The following DIS3 variants were observed in gnomAD, a reference collection of about 807,000 sequenced individuals.
The protein encoded by DIS3 is DIS3 exosome endoribonuclease and 3'-5' exoribonuclease.
A neutral mutation model predicts 113.0 loss-of-function variants in DIS3; 103 were observed. That is an observed-to-expected ratio of 0.91 (90% CI 0.78 to 1.07). The LOEUF is 1.07. Among genes scored for constraint, DIS3 ranks in the 50% least tolerant of loss-of-function variants. The pLI, the probability that DIS3 is intolerant of heterozygous loss-of-function variation, is 0.00. For synonymous variants in DIS3, 402 were observed against 394.3 expected (o/e 1.02, Z -0.23); for missense variants, 1,121 against 1,167.1 (o/e 0.96, Z 0.58).
In DIS3 at chr13:72,761,711, T is replaced by A. The variant is rs1401512604; in HGVS notation, c.2446A>T (p.Asn816Tyr). Residue 816 changes from asparagine to tyrosine, a missense_variant, in exon 18 of 21, where the codon AAT becomes TAT. Asn to Tyr is a moderately radical substitution (Grantham distance 143). This residue lies in a region of DIS3 where 861 missense variants were observed against 915.5 expected (regional missense o/e 0.94). Coordinates refer to ENST00000377767, the MANE Select transcript of DIS3 (RefSeq NM_014953.5). The part of the protein sequence containing the change: ...DKHKLADICK[N>Y]LNFRHKMAQY... ...GCCATTTTGTGCCGGAAATTTAGAT[T>A]TTTACATATATCTGCAAGCTTGTGT... is the stretch of plus-strand genomic sequence containing the variant. 1 of 1,613,654 alleles carries A rather than the reference T, an allele frequency of 6.2e-7. No individual in the cohort carries two copies.
rs2033331871 is a variant in DIS3, at chr13:72,753,332, TAG to T, written c.*6461_*6462del. The stretch of plus-strand genomic sequence containing the variant: ...TAAAGGCAGCATGCCTCAAGCCATT[TAG>T]AGACAAGCCTGGAAAATGCGTTGGA... On this transcript the variant is annotated 3_prime_UTR_variant, in exon 21 of 21. Coordinates refer to ENST00000377767, the MANE Select transcript of DIS3 (RefSeq NM_014953.5). 1 of 168,584 alleles carries T rather than the reference TAG, an allele frequency of 5.9e-6. No individual in the cohort carries two copies. The highest frequency in any genetic ancestry group is 6.0e-5 in the Admixed American group (1 of 16,736). 10.4% of individuals were successfully genotyped at this position (168,584 alleles called of 1,614,324 possible). A position where few individuals can be genotyped will look rare whatever the true frequency, so the allele number is the denominator to read the frequency against.
chr13:72,765,140 T>G (rs1388034878), intron 15 of DIS3, among the ~76,000 whole-genome samples: 3 of 152,132 alleles, frequency 2.0e-5, no homozygotes, highest in Admixed American at 6.5e-5. Context: ...ACAAAAAAAT[T>G]CTTGTTTCCT....
At chr13:72,776,512 A>G (rs2034022094) in intron 4 of DIS3, among the ~76,000 whole-genome samples, 1 of 152,206 alleles carries the variant, frequency 6.6e-6, no homozygotes, top group Non-Finnish European at 1.5e-5. Flanking sequence ...TAAAGGTAAG[A>G]AGGGATGACA....
chr13:72,772,094 G>A, intron 10 of DIS3, 65 bp downstream of exon 10: 1 of 1,405,924 alleles, frequency 7.1e-7, no homozygotes, highest in Non-Finnish European at 9.8e-7. Flanking sequence ...TTCTATTCTA[G>A]TTCAAAAGAA....
In DIS3 at chr13:72,780,908, G is replaced by A; in HGVS notation, c.324C>T (p.Arg108=). The A allele has an allele frequency of 6.2e-7, 1 of 1,613,262 alleles. No individual in the cohort carries two copies. Among genetic ancestry groups the A allele is most frequent in the African/African-American group, 1.3e-5 (1 of 74,826 alleles). ...CTTGGTTATTAGTCACATCTCGGAT[G>A]CGTTTATATACGGGGGCACTGCGAT... ...VRNRSAPVYK[R]IRDVTNNQEK... The change falls in exon 2 of 21, where the codon CGC becomes CGT. Residue 108 remains arginine, a synonymous_variant. Transcript: ENST00000377767.
In DIS3 at chr13:72,780,838, C is replaced by T. The variant is rs1376031037; in HGVS notation, c.386+8G>A. 2.5e-6 allele frequency: 4 copies of T among 1,582,954 alleles called. No individual in the cohort carries two copies. Among genetic ancestry groups the T allele is most frequent in the Non-Finnish European group, 3.4e-6 (4 of 1,166,870 alleles). ...GTTTTCTGATATTTAACGTAATATT[C>T]CTCCTACCTATGGTGCTCATTAGTG... On this transcript the variant is annotated splice_region_variant and intron_variant, in intron 2 of 20. Coordinates refer to ENST00000377767, the MANE Select transcript of DIS3 (RefSeq NM_014953.5).
At chr13:72,761,012 G>A (rs1394141533) in intron 19 of DIS3, among the ~76,000 whole-genome samples, 4 of 151,970 alleles carry the variant, frequency 2.6e-5, no homozygotes, top group Non-Finnish European at 5.9e-5. Context: ...AGGAGAATAG[G>A]GAGTATGTGT....
chr13:72,774,715 CA>C (rs1342048536), intron 6 of DIS3, among the ~76,000 whole-genome samples: 13 of 152,014 alleles, frequency 8.6e-5, no homozygotes, highest in African/African-American at 3.1e-4. Context: ...AGAAATAGGC[CA>C]TATCAAGTAG....
At chr13:72,764,037 G>A (rs4885043) in intron 15 of DIS3, among the ~76,000 whole-genome samples, 118,658 of 151,976 alleles carry the variant, frequency 0.78, 46,627 homozygotes, top group South Asian at 0.85. Flanking sequence ...CTGTAGTCCC[G>A]GCTACTTGAG....
chr13:72,766,125 A>C (rs1319282629), intron 14 of DIS3, 67 bp from the exon 15 acceptor site: 1 of 1,362,882 alleles, frequency 7.3e-7, no homozygotes, highest in Admixed American at 2.2e-5. Flanking sequence ...TATAGAAATT[A>C]TTCTTTTAAA....
intron 1 of DIS3, chr13:72,781,207 C>T (rs2034199422): frequency 6.6e-7 from 1 of 1,507,826 alleles, no homozygotes; most frequent in Non-Finnish European, 9.0e-7. Flanking sequence ...CTTAAACAGA[C>T]CAATCACAAG....
Position 72,777,453 on chromosome 13 carries a change from G to C in DIS3, c.621C>G (p.Leu207=). The change falls in exon 4 of 21, where the codon CTC becomes CTG. Residue 207 remains leucine, a synonymous_variant. Coordinates refer to ENST00000377767, the MANE Select transcript of DIS3 (RefSeq NM_014953.5). ...YVKSLTANPE[L]IDRLACLSEE... ...CAGACAAACAAGCAAGACGATCTAT[G>C]AGTTCGGGGTTAGCAGTTAGGCTCT... is the stretch of plus-strand genomic sequence containing the variant. 1.2e-6 allele frequency: 2 copies of C among 1,614,098 alleles called. No individual in the cohort carries two copies. Among genetic ancestry groups the C allele is most frequent in the Non-Finnish European group, 1.7e-6 (2 of 1,179,992 alleles).
At chr13:72,767,418 A>G (rs1240502788) in intron 14 of DIS3, among the ~76,000 whole-genome samples, 1 of 152,184 alleles carries the variant, frequency 6.6e-6, no homozygotes, top group Admixed American at 6.5e-5. Context: ...AAAAAATTCA[A>G]TTATCTTCTT....
chr13:72,781,217 G>C lies in DIS3; in HGVS notation c.229-214C>G, dbSNP rs543425398. 4.7e-5 allele frequency: 71 copies of C among 1,521,174 alleles called. No individual in the cohort carries two copies. The African/African-American group carries it at 8.1e-4, about 17-fold the overall frequency. 94.2% of individuals were successfully genotyped at this position (1,521,174 alleles called of 1,614,324 possible). ...GCACACTTAAACAGACCAATCACAA[G>C]ACTTCGTAGAATTAAGGGTATTAAT... On this transcript the variant is annotated intron_variant, in intron 1 of 20. Coordinates refer to ENST00000377767, the MANE Select transcript of DIS3 (RefSeq NM_014953.5).
chr13:72,771,628 T>C (rs2033887630), intron 11 of DIS3, among the ~76,000 whole-genome samples, 167 bp downstream of exon 11: 1 of 152,162 alleles, frequency 6.6e-6, no homozygotes, highest in South Asian at 2.1e-4. Flanking sequence ...TCCCCTTGAC[T>C]TTCACAATAC....
intron 2 of DIS3, among the ~76,000 whole-genome samples, chr13:72,778,810 G>C (rs2034085551): frequency 6.6e-6 from 1 of 152,072 alleles, no homozygotes; most frequent in African/African-American, 2.4e-5. Context: ...TTTATAATCA[G>C]AATTCTACAG....
In DIS3 at chr13:72,777,475, C is replaced by T; in HGVS notation, c.599G>A (p.Ser200Asn). ...PAFTCEEYVK[S>N]LTANPELIDR... Reference sequence around the variant, plus strand: ...TATGAGTTCGGGGTTAGCAGTTAGGCTCTTTACATATTCTTCACCTGAAAA... The same window carrying T: ...TATGAGTTCGGGGTTAGCAGTTAGGTTCTTTACATATTCTTCACCTGAAAA... Residue 200 changes from serine to asparagine, a missense_variant, in exon 4 of 21, where the codon AGC becomes AAC. This residue lies in a region of DIS3 where 861 missense variants were observed against 915.5 expected (regional missense o/e 0.94). Transcript: ENST00000377767. The T allele has an allele frequency of 6.2e-7, 1 of 1,614,004 alleles. No homozygotes were observed. Among genetic ancestry groups the T allele is most frequent in the Non-Finnish European group, 8.5e-7 (1 of 1,179,946 alleles).
intron 7 of DIS3, 58 bp downstream of exon 7, chr13:72,773,888 A>AT: frequency 6.3e-7 from 1 of 1,591,672 alleles, no homozygotes; most frequent in Non-Finnish European, 8.5e-7. Context: ...AAGAAAGGCT[A>AT]TAAGTTCTAT....
chr13:72,777,453 G>A lies in DIS3; in HGVS notation c.621C>T (p.Leu207=). The A allele has an allele frequency of 6.2e-7, 1 of 1,614,098 alleles. No homozygotes were observed. Among genetic ancestry groups the A allele is most frequent in the Non-Finnish European group, 8.5e-7 (1 of 1,179,992 alleles). Residue 207 remains leucine, a synonymous_variant, in exon 4 of 21, where the codon CTC becomes CTT. Coordinates refer to ENST00000377767, the MANE Select transcript of DIS3 (RefSeq NM_014953.5). ...CAGACAAACAAGCAAGACGATCTAT[G>A]AGTTCGGGGTTAGCAGTTAGGCTCT... ...YVKSLTANPE[L]IDRLACLSEE...
Sources: allele counts gnomAD v4.1 joint callset (sites outside exome capture counted in the v4.1 genomes callset), GRCh38; gene constraint gnomAD v4.1.1; regional missense constraint gnomAD v4.1.1; transcripts MANE v1.5; gene names NCBI Gene and HGNC (gene_info 2026-07-23, HGNC 2026-07-21).